MROH2B: variants seen among roughly 807,000 people sequenced by gnomAD.
MROH2B encodes the protein maestro heat-like repeat-containing protein family member 2B.
In MROH2B, 177 loss-of-function variants were observed where a neutral mutation model predicts 208.6. The ratio of observed to expected loss-of-function variants is 0.85; its 90% CI spans 0.75 to 0.96. MROH2B has a LOEUF of 0.96. Among genes scored for constraint, MROH2B ranks in the 40% least tolerant of loss-of-function variants. The pLI is 0.00. For missense variants in MROH2B, 2,002 were observed against 1,878.7 expected (o/e 1.07, Z -1.21); for synonymous variants, 728 against 659.0 (o/e 1.10, Z -1.60).
rs533553517 is a variant in MROH2B at position 41,049,560 on chromosome 5, C to T, written c.1345-124G>A. On this transcript the variant is annotated intron_variant, in intron 13 of 41. Coordinates refer to ENST00000399564, the MANE Select transcript of MROH2B (RefSeq NM_173489.5). The stretch of plus-strand genomic sequence containing the variant: ...CCTGTTATTATTTTGCTTTTTGGGC[C>T]AAGTCAAGATGAGATCATTAAAGGA... 1.8e-5 allele frequency: 21 copies of T among 1,190,526 alleles called. No homozygotes were observed. In the East Asian group the frequency reaches 5.4e-4, roughly 30 times the overall value. 73.7% of individuals were successfully genotyped at this position (1,190,526 alleles called of 1,614,324 possible).
At chr5:41,056,774 C>CAAAAAAAA (rs34263761) in intron 9 of MROH2B, among the ~76,000 whole-genome samples, 2 of 114,748 alleles carry the variant, frequency 1.7e-5, no homozygotes, top group South Asian at 2.8e-4. Context: ...TCTCAAATAC[C>CAAAAAAAA]AAAAAAAAAA....
chr5:41,005,485 C>G, intron 35 of MROH2B, 46 bp downstream of exon 35: 1 of 1,240,428 alleles, frequency 8.1e-7, no homozygotes, highest in Non-Finnish European at 1.1e-6. Flanking sequence ...AGAGAAATAC[C>G]CTATGGGGAC....
chr5:41,017,829 G>C, intron 28 of MROH2B, 21 bp downstream of exon 28: 2 of 1,567,334 alleles, frequency 1.3e-6, no homozygotes, highest in Non-Finnish European at 1.7e-6. Flanking sequence ...TTCATTTGTG[G>C]GTTCCCCATC....
At chr5:41,026,269 T>G (rs1045955419) in intron 24 of MROH2B, among the ~76,000 whole-genome samples, 1 of 152,208 alleles carries the variant, frequency 6.6e-6, no homozygotes, top group Non-Finnish European at 1.5e-5. Context: ...GATGACATGA[T>G]TGTATATCTA....
intron 28 of MROH2B, among the ~76,000 whole-genome samples, chr5:41,017,430 G>A (rs1180665178): frequency 2.0e-5 from 3 of 152,176 alleles, no homozygotes; most frequent in Non-Finnish European, 4.4e-5. Context: ...GATAGAGGAA[G>A]CATTGCTAAT....
At chr5:41,055,190 A>G (rs532860028) in intron 10 of MROH2B, among the ~76,000 whole-genome samples, 3 of 152,204 alleles carry the variant, frequency 2.0e-5, no homozygotes, top group Non-Finnish European at 4.4e-5. Context: ...TTAAAAAACT[A>G]TACCATACTA....
At chr5:41,039,655 G>A in intron 19 of MROH2B, 100 bp from the exon 20 acceptor site, 1 of 769,646 alleles carries the variant, frequency 1.3e-6, no homozygotes, top group Admixed American at 2.8e-5. Context: ...TTTAGGTGCT[G>A]GGGGTACAGT....
intron 4 of MROH2B, among the ~76,000 whole-genome samples, chr5:41,064,843 A>G (rs1323692417): frequency 6.6e-6 from 1 of 152,174 alleles, no homozygotes; most frequent in Non-Finnish European, 1.5e-5. Flanking sequence ...GAAGGCAGCT[A>G]TGCTCACCAC....
At chr5:41,040,348 G>GAAACC (rs1162281660) in intron 19 of MROH2B, among the ~76,000 whole-genome samples, 3 of 152,148 alleles carry the variant, frequency 2.0e-5, no homozygotes. Flanking sequence ...ATTTGTTCCT[G>GAAACC]AAACCTGTTA....
chr5:41,019,456 G>A (rs1742073612), intron 24 of MROH2B, among the ~76,000 whole-genome samples: 1 of 152,160 alleles, frequency 6.6e-6, no homozygotes, highest in Admixed American at 6.5e-5. Flanking sequence ...CTCTTTTCAT[G>A]TTCTAAATAG....
rs767098114 is a variant in MROH2B at position 41,015,394 on chromosome 5, G to A, written c.2969C>T (p.Ser990Phe). Residue 990 changes from serine to phenylalanine, a missense_variant, in exon 29 of 42, where the codon TCT becomes TTT. Transcript: ENST00000399564. ...CATATTTATTACCTTAGCTATTTTA[G>A]AAGAAATCTTGATCTGAACCTGCAC... ...DDVQVQIKIS[S>F]KIAKIVSKFI... 2 of 1,613,130 alleles carry A rather than the reference G, an allele frequency of 1.2e-6. No individual in the cohort carries two copies. The highest frequency in any genetic ancestry group is 1.3e-5 in the African/African-American group (1 of 74,896).
At chr5:41,018,010 T>C (rs776138935) in intron 27 of MROH2B, 40 bp from the exon 28 acceptor site, 31 of 1,556,282 alleles carry the variant, frequency 2.0e-5, no homozygotes, top group Non-Finnish European at 2.3e-5. Flanking sequence ...ATGGGGTAGC[T>C]TGGTCATATC....
At chr5:41,064,664 C>G in intron 4 of MROH2B, 94 bp from the exon 5 acceptor site, 1 of 859,864 alleles carries the variant, frequency 1.2e-6, no homozygotes, top group Non-Finnish European at 1.9e-6. Context: ...TTCAGGGCTG[C>G]ACGGAGGAGG....
At position 41,017,839 on chromosome 5, in the gene MROH2B, C is replaced by A; in HGVS notation, c.2884+11G>T. The A allele has an allele frequency of 6.4e-7, 1 of 1,572,750 alleles. No homozygotes were observed. The highest frequency in any genetic ancestry group is 8.6e-7 in the Non-Finnish European group (1 of 1,162,480). ...TTTTCTTCATTTGTGGGTTCCCCAT[C>A]TTTCCCTCACCTTTTATATAGAACA... On this transcript the variant is annotated intron_variant, in intron 28 of 41. Coordinates refer to ENST00000399564, the MANE Select transcript of MROH2B (RefSeq NM_173489.5).
Position 41,048,520 on chromosome 5 carries a change from C to T in MROH2B, c.1543-55G>A, listed in dbSNP as rs1743193158. 5 of 1,513,926 alleles carry T rather than the reference C, an allele frequency of 3.3e-6. No homozygotes were observed. In the South Asian group the frequency reaches 5.3e-5, roughly 16 times the overall value. 93.8% of individuals were successfully genotyped at this position (1,513,926 alleles called of 1,614,324 possible). On this transcript the variant is annotated intron_variant, in intron 15 of 41. Transcript: ENST00000399564. Reference sequence around the variant, plus strand: ...ATTTCAGGGGCGTTTAAAAGCCCCACTTATTTTTCCCTTTTTACCATTGTT... The same window carrying T: ...ATTTCAGGGGCGTTTAAAAGCCCCATTTATTTTTCCCTTTTTACCATTGTT...
chr5:41,007,646 C>T (rs576241731), intron 33 of MROH2B, among the ~76,000 whole-genome samples, 192 bp from the exon 34 acceptor site: 2 of 152,134 alleles, frequency 1.3e-5, no homozygotes, highest in Admixed American at 6.6e-5. Flanking sequence ...ATGATGTGGG[C>T]CAGTAAGTAA....
rs768340886 is a variant in MROH2B at position 40,999,786 on chromosome 5, GA to G, written c.4483-8del. The G allele has an allele frequency of 6.2e-7, 1 of 1,611,680 alleles. No homozygotes were observed. The highest frequency in any genetic ancestry group is 1.1e-5 in the South Asian group (1 of 90,780). On this transcript the variant is annotated splice_region_variant and splice_polypyrimidine_tract_variant and intron_variant, in intron 39 of 41. Transcript: ENST00000399564. ...TTTCCTGGTTTTTCTTGGCCTAGAA[GA>G]GATGTGAATTTCAAAGAGGGCAACT...
Position 41,030,400 on chromosome 5 carries a change from A to G in MROH2B, c.2441+2342T>C, listed in dbSNP as rs1742524523. On this transcript the variant is annotated intron_variant, in intron 24 of 41. Transcript: ENST00000399564. The stretch of plus-strand genomic sequence containing the variant: ...AGCTGAAAAAAAATTAAATACCTAG[A>G]AATATACTTAACCAAGGAAGTGAAG... Among the ~76,000 whole-genome samples the G allele has an allele frequency of 2.0e-5, 3 of 152,112 alleles. No homozygotes were observed. The South Asian group carries it at 6.2e-4, about 32-fold the overall frequency.
At chr5:41,033,777 G>T in intron 22 of MROH2B, 61 bp downstream of exon 22, 2 of 904,558 alleles carry the variant, frequency 2.2e-6, no homozygotes, top group South Asian at 3.4e-5. Flanking sequence ...ACTTCAGGGG[G>T]GCATTATCTA....
Sources: allele counts gnomAD v4.1 joint callset (sites outside exome capture counted in the v4.1 genomes callset), GRCh38; gene constraint gnomAD v4.1.1; transcripts MANE v1.5; gene names NCBI Gene and HGNC (gene_info 2026-07-23, HGNC 2026-07-21).